Variants in FAF1 observed in about 807,000 individuals in gnomAD.
FAF1 encodes the protein Fas associated factor 1.
FAF1 carries 25 observed loss-of-function variants against 92.5 expected under a neutral mutation model. The observed-to-expected ratio is 0.27, with a 90% CI of 0.20 to 0.38. FAF1 has a LOEUF of 0.38. Ranked by LOEUF, FAF1 falls within the 10% of genes least tolerant of loss-of-function variation. FAF1 has a pLI of 1.00. For missense variants in FAF1, 636 were observed against 793.3 expected, an observed-to-expected ratio of 0.80 and a Z score of 2.38; for synonymous variants, 234 against 273.2, an observed-to-expected ratio of 0.86 and a Z score of 1.42.
intron 18 of FAF1, among the ~76,000 whole-genome samples, chr1:50,442,613 TGCTCTGGGCCTGACTGCA>T (rs1476996068): frequency 1.3e-5 from 2 of 152,172 alleles, no homozygotes; most frequent in Non-Finnish European, 2.9e-5. Context: ...GCTGCTCTGC[TGCTCTGGGCCTGACTGCA>T]GCACCTGAGG....
chr1:50,443,397 GAGA>G (rs980768236), intron 18 of FAF1, among the ~76,000 whole-genome samples: 2 of 152,142 alleles, frequency 1.3e-5, no homozygotes, highest in African/African-American at 4.8e-5. Context: ...GCTGGAATTT[GAGA>G]AGGAGGAAAC....
chr1:50,515,986 GATTA>G (rs1367182427), intron 15 of FAF1, among the ~76,000 whole-genome samples: 1 of 152,030 alleles, frequency 6.6e-6, no homozygotes, highest in African/African-American at 2.4e-5. Flanking sequence ...AATATTTCCT[GATTA>G]TTTACTAGAT....
intron 4 of FAF1, among the ~76,000 whole-genome samples, chr1:50,779,829 TC>T (rs1661097538): frequency 6.6e-6 from 1 of 151,796 alleles, no homozygotes; most frequent in African/African-American, 2.4e-5. Context: ...ACACCTGTCA[TC>T]CCAGCTACTC....
At position 50,775,234 on chromosome 1, in the gene FAF1, C is replaced by T. The variant is rs533514807; in HGVS notation, c.367+12766G>A. Among the ~76,000 whole-genome samples the T allele has an allele frequency of 3.9e-5, 6 of 152,116 alleles. No homozygotes were observed. In the East Asian group the frequency reaches 1.2e-3, roughly 29 times the overall value. ...TGTGATGGATGAATTAATATATACA[C>T]ATATATTCATATACTCATTTATTGA... On this transcript the variant is annotated intron_variant, in intron 4 of 18. Coordinates refer to ENST00000396153, the MANE Select transcript of FAF1 (RefSeq NM_007051.3).
At chr1:50,803,327 C>A (rs904573504) in intron 2 of FAF1, among the ~76,000 whole-genome samples, 1 of 152,064 alleles carries the variant, frequency 6.6e-6, no homozygotes, top group African/African-American at 2.4e-5. Flanking sequence ...TGAGGAATGC[C>A]AAAGTATAAT....
At chr1:50,885,114 C>T (rs925619753) in intron 1 of FAF1, among the ~76,000 whole-genome samples, 7 of 152,104 alleles carry the variant, frequency 4.6e-5, no homozygotes, top group South Asian at 2.1e-4. Context: ...TCAGACATAA[C>T]GTGTCGTTTT....
intron 14 of FAF1, among the ~76,000 whole-genome samples, chr1:50,536,454 C>A (rs2149038329): frequency 6.6e-6 from 1 of 152,284 alleles, no homozygotes; most frequent in South Asian, 2.1e-4. Context: ...CTTTACAGGA[C>A]AATAAAGACC....
chr1:50,508,110 T>C (rs1647082831), intron 15 of FAF1, among the ~76,000 whole-genome samples: 1 of 152,216 alleles, frequency 6.6e-6, no homozygotes, highest in African/African-American at 2.4e-5. Flanking sequence ...TATACAGAAA[T>C]TGGAACCCTT....
chr1:50,926,855 G>A (rs1250303546), intron 1 of FAF1, among the ~76,000 whole-genome samples: 1 of 152,168 alleles, frequency 6.6e-6, no homozygotes, highest in Non-Finnish European at 1.5e-5. Flanking sequence ...TATCCAAAAT[G>A]TATAAACAAC....
intron 15 of FAF1, among the ~76,000 whole-genome samples, chr1:50,523,132 T>C (rs1421868074): frequency 1.3e-5 from 2 of 152,228 alleles, no homozygotes; most frequent in Non-Finnish European, 2.9e-5. Flanking sequence ...TATTCCATTG[T>C]ATGGATATAC....
intron 18 of FAF1, chr1:50,451,826 T>G: frequency 1.0e-6 from 1 of 992,672 alleles, no homozygotes; most frequent in Non-Finnish European, 1.2e-6. Flanking sequence ...CAAATCTGGA[T>G]TCTTCATTCC....
intron 3 of FAF1, among the ~76,000 whole-genome samples, chr1:50,796,950 C>T (rs1661773724): frequency 6.6e-6 from 1 of 151,990 alleles, no homozygotes; most frequent in Admixed American, 6.6e-5. Flanking sequence ...AGCAACATGG[C>T]TGGGGCGAAA....
At chr1:50,878,430 C>T (rs1221301926) in intron 1 of FAF1, among the ~76,000 whole-genome samples, 1 of 152,192 alleles carries the variant, frequency 6.6e-6, no homozygotes, top group African/African-American at 2.4e-5. Context: ...GAAACAGACA[C>T]AGAAACATCT....
chr1:50,819,719 A>ACG (rs1644019034), intron 2 of FAF1, among the ~76,000 whole-genome samples: 1 of 14,418 alleles, frequency 6.9e-5, no homozygotes, highest in African/African-American at 2.0e-4. Flanking sequence ...ATATATACGT[A>ACG]TATATATATA....
chr1:50,547,000 T>C (rs1649050136), intron 13 of FAF1, among the ~76,000 whole-genome samples: 1 of 152,126 alleles, frequency 6.6e-6, no homozygotes, highest in African/African-American at 2.4e-5. Flanking sequence ...GTGATCCTCC[T>C]ACCTCAGCCA....
Position 50,928,652 on chromosome 1 carries a change from G to A in FAF1, c.45+31115C>T, listed in dbSNP as rs186215938. Among the ~76,000 whole-genome samples, 386 of 151,326 alleles carry A rather than the reference G, an allele frequency of 2.6e-3. 1 individual carries two copies. The highest frequency in any genetic ancestry group is 4.7e-3 in the Non-Finnish European group (316 of 67,884). ...CAAAGTATCAGCCGAGCATGATGGC[G>A]GGCGCCTGTAATCCCAACTACTCGA... On this transcript the variant is annotated intron_variant, in intron 1 of 18. Transcript: ENST00000396153.
chr1:50,438,859 A>C lies in FAF1; in HGVS notation c.*2581T>G, dbSNP rs1486734385. On this transcript the variant is annotated 3_prime_UTR_variant, in exon 19 of 19. Transcript: ENST00000396153. ...TTCATCTTTGATTCTGGATGCTTACAATCCAGAGATGAACATCTGTGTGTG... is the reference window on the plus strand; with the variant it reads ...TTCATCTTTGATTCTGGATGCTTACCATCCAGAGATGAACATCTGTGTGTG... 1.3e-5 allele frequency: 2 copies of C among 152,256 alleles called. No individual in the cohort carries two copies. Among genetic ancestry groups the C allele is most frequent in the African/African-American group, 4.8e-5 (2 of 41,472 alleles). The allele number at this position is 152,256 out of a possible 1,614,324, so 9.4% of individuals were successfully genotyped here.
chr1:50,844,178 T>C (rs541508019), intron 2 of FAF1, among the ~76,000 whole-genome samples: 1 of 152,366 alleles, frequency 6.6e-6, no homozygotes, highest in Non-Finnish European at 1.5e-5. Flanking sequence ...GTATGTCATC[T>C]TTTGAGAAAT....
chr1:50,710,449 G>C lies in FAF1; in HGVS notation c.552-4558C>G, dbSNP rs146049338. Among the ~76,000 whole-genome samples the C allele has an allele frequency of 8.6e-3, 1,302 of 152,228 alleles. 18 individuals carry two copies. Among genetic ancestry groups the C allele is most frequent in the African/African-American group, 0.029 (1,195 of 41,516 alleles). ...CTTGCTAGTTCTTTGACCTCGACAA[G>C]TCATTCATTCTTTTTTTCCCCATTC... On this transcript the variant is annotated intron_variant, in intron 6 of 18. Transcript: ENST00000396153.
Sources: gnomAD v4.1 joint callset for allele counts (sites outside exome capture counted in the v4.1 genomes callset) on GRCh38, gnomAD v4.1.1 for gene constraint, MANE v1.5 for transcripts, NCBI Gene and HGNC (gene_info 2026-07-23, HGNC 2026-07-21) for gene names.